Variants in STX10 observed in about 807,000 individuals in gnomAD.
The protein encoded by STX10 is syntaxin 10.
Under a neutral mutation model 34.1 loss-of-function variants are expected in STX10, and 35 were observed. The observed-to-expected ratio is 1.03, with a 90% confidence interval of 0.78 to 1.36. The LOEUF (loss-of-function observed/expected upper bound fraction) is 1.36. Ranked by LOEUF, STX10 falls within the 40% of genes most tolerant of loss-of-function variation. The pLI, the probability that STX10 is intolerant of heterozygous loss-of-function variation, is 0.00. For missense variants in STX10, 361 were observed against 335.5 expected (o/e 1.08, Z -0.59); for synonymous variants, 155 against 132.9 (o/e 1.17, Z -1.15).
At chr19:13,146,837 G>A (rs1331753574) in intron 4 of STX10, among the ~76,000 whole-genome samples, 5 of 151,962 alleles carry the variant, frequency 3.3e-5, no homozygotes, top group East Asian at 1.9e-4. Context: ...CACCGTGCCC[G>A]GCTCCAACAG....
intron 4 of STX10, among the ~76,000 whole-genome samples, chr19:13,146,695 C>A (rs1466509435): frequency 2.0e-5 from 3 of 151,784 alleles, no homozygotes; most frequent in African/African-American, 4.8e-5. Flanking sequence ...TGATCACCAC[C>A]ACGCCTGGCT....
rs770158443 is a variant in STX10, at chr19:13,144,664, C to T, written c.586G>A (p.Asp196Asn). 1.2e-6 allele frequency: 2 copies of T among 1,614,088 alleles called. No homozygotes were observed. The highest frequency in any genetic ancestry group is 1.7e-6 in the Non-Finnish European group (2 of 1,180,010). The part of the protein sequence containing the change: ...EELDEQGIML[D>N]AFAQEMDHTQ... ...TGGTCCATCTCTTGGGCGAAGGCAT[C>T]CAGCATGCTGCCAAGAACAGGATGG... is the stretch of plus-strand genomic sequence containing the variant. The change falls in exon 7 of 8, where the codon GAT becomes AAT. Residue 196 changes from aspartate to asparagine, a missense_variant. Asp to Asn is a conservative substitution (Grantham distance 23, BLOSUM62 1). Transcript: ENST00000587230.
chr19:13,146,625 C>T (rs1020533361), intron 4 of STX10, among the ~76,000 whole-genome samples: 4 of 152,036 alleles, frequency 2.6e-5, no homozygotes, highest in Non-Finnish European at 5.9e-5. Flanking sequence ...ACTGCAACCT[C>T]CACCTCCCGG....
At chr19:13,144,538 G>T (rs1279273380) in intron 7 of STX10, 39 bp downstream of exon 7, 1 of 1,613,808 alleles carries the variant, frequency 6.2e-7, no homozygotes, top group East Asian at 2.2e-5. Flanking sequence ...CCTACAACCT[G>T]CCCCCACCAG....
intron 4 of STX10, among the ~76,000 whole-genome samples, chr19:13,147,672 G>T (rs2019932215): frequency 2.0e-5 from 3 of 151,736 alleles, no homozygotes; most frequent in Non-Finnish European, 2.9e-5. Context: ...GCCGAGGCAG[G>T]TGGATCACGA....
rs1285499870 is a variant in STX10 at position 13,150,270 on chromosome 19, C to G, written c.-97G>C. ...GGAGAACGCGCCGCCACCCCCGCCC[C>G]CGTCACGCCACCATCGAGAGCCGGA... On this transcript the variant is annotated 5_prime_UTR_variant, in exon 1 of 8. Coordinates refer to ENST00000587230, the MANE Select transcript of STX10 (RefSeq NM_003765.3). This position sits in a 1 kb window ranked among gnomAD's most constrained non-coding sequence, Gnocchi z 4.0. The G allele has an allele frequency of 7.6e-6, 5 of 661,312 alleles. No individual in the cohort carries two copies. The highest frequency in any genetic ancestry group is 3.7e-5 in the African/African-American group (2 of 53,810). 41.0% of individuals were successfully genotyped at this position (661,312 alleles called of 1,614,324 possible). A position where few individuals can be genotyped will look rare whatever the true frequency, so the allele number is the denominator to read the frequency against.
Position 13,150,366 on chromosome 19 carries a change from G to A in STX10, c.-193C>T, listed in dbSNP as rs2020037353. 3.5e-6 allele frequency: 2 copies of A among 566,458 alleles called. No individual in the cohort carries two copies. Among genetic ancestry groups the A allele is most frequent in the Admixed American group, 6.7e-5 (2 of 29,874 alleles). The allele number at this position is 566,458 out of a possible 1,614,324, so 35.1% of individuals were successfully genotyped here. A position where few individuals can be genotyped will look rare whatever the true frequency, so the allele number is the denominator to read the frequency against. ...CTTCCGCCCTCTCCTCAGCCATCTT[G>A]GTTGTGGGCAGAGGCAGCTTCCGGT... is the stretch of plus-strand genomic sequence containing the variant. On this transcript the variant is annotated 5_prime_UTR_variant, in exon 1 of 8. Coordinates refer to ENST00000587230, the MANE Select transcript of STX10 (RefSeq NM_003765.3). The surrounding 1 kb of genome is among the most constrained non-coding windows in gnomAD (Gnocchi z 4.0).
chr19:13,144,895 G>T, intron 5 of STX10, 25 bp from the exon 6 acceptor site: 1 of 1,598,828 alleles, frequency 6.3e-7, no homozygotes, highest in African/African-American at 1.3e-5. Context: ...GGTGGGAGAT[G>T]CTGTTGAAAA....
Position 13,149,491 on chromosome 19 carries a change from T to G in STX10, c.300+8A>C. ...CCCCCACTCCCCGCCTGCAGGACCT[T>G]TCCTGACCTGGACTGCCTCTCGCAT... On this transcript the variant is annotated splice_region_variant and intron_variant, in intron 3 of 7. Coordinates refer to ENST00000587230, the MANE Select transcript of STX10 (RefSeq NM_003765.3). 1 of 1,612,450 alleles carries G rather than the reference T, an allele frequency of 6.2e-7. No individual in the cohort carries two copies.
chr19:13,149,787 T>G lies in STX10; in HGVS notation c.146A>C (p.Glu49Ala). The G allele has an allele frequency of 6.2e-7, 1 of 1,614,088 alleles. No homozygotes were observed. Among genetic ancestry groups the G allele is most frequent in the Non-Finnish European group, 8.5e-7 (1 of 1,180,030 alleles). The change falls in exon 2 of 8, where the codon GAG (glutamate) becomes GCG (alanine). Residue 49 changes from glutamate to alanine, a missense_variant. Coordinates refer to ENST00000587230, the MANE Select transcript of STX10 (RefSeq NM_003765.3). ...GREELDWTTNELRNGLRSIEW... is the reference protein window; with the variant it reads ...GREELDWTTNALRNGLRSIEW... ...GATGCTGCGCAGGCCATTCCGCAGC[T>G]CATTGGTCGTCCAGTCCAGCTCCTC...
chr19:13,145,629 C>T (rs771123297), intron 4 of STX10, among the ~76,000 whole-genome samples: 13 of 152,068 alleles, frequency 8.5e-5, no homozygotes, highest in South Asian at 2.1e-4. Context: ...GTAGCTCATG[C>T]TTGTAATCCC....
In STX10 at chr19:13,149,009, GGTGGGT is replaced by G. The variant is rs756766494; in HGVS notation, c.363+14_363+19del. 2 of 1,594,054 alleles carry G rather than the reference GGTGGGT, an allele frequency of 1.3e-6. No homozygotes were observed. Among genetic ancestry groups the G allele is most frequent in the Non-Finnish European group, 1.7e-6 (2 of 1,169,826 alleles). ...TACCCCCAGGGGCTCAGGTGGGCAG[GGTGGGT>G]CAGGAAGGCTTACCTCTCTGTTATT... On this transcript the variant is annotated intron_variant, in intron 4 of 7. Coordinates refer to ENST00000587230, the MANE Select transcript of STX10 (RefSeq NM_003765.3).
At chr19:13,147,476 A>G (rs7508633) in intron 4 of STX10, among the ~76,000 whole-genome samples, 62,409 of 151,080 alleles carry the variant, frequency 0.41, 13,867 homozygotes, top group East Asian at 0.77. Flanking sequence ...AAAAAAAAAA[A>G]GGAAGCTGGC....
intron 4 of STX10, among the ~76,000 whole-genome samples, chr19:13,145,687 C>T (rs776702196): frequency 1.3e-5 from 2 of 151,116 alleles, no homozygotes; most frequent in African/African-American, 4.9e-5. Flanking sequence ...GTCAGGAGCT[C>T]GAGACCAGCC....
At chr19:13,149,442 G>GAAAT in intron 3 of STX10, 57 bp downstream of exon 3, 14 of 1,166,180 alleles carry the variant, frequency 1.2e-5, no homozygotes, top group South Asian at 1.5e-5. Flanking sequence ...AAGAAAGAAA[G>GAAAT]AAAAAAAAAC....
Position 13,144,792 on chromosome 19 carries a change from C to T in STX10, c.550G>A (p.Val184Ile), listed in dbSNP as rs763901735. 9.9e-6 allele frequency: 16 copies of T among 1,613,970 alleles called. No homozygotes were observed. Among genetic ancestry groups the T allele is most frequent in the South Asian group, 7.7e-5 (7 of 91,072 alleles). ...IQVLKHMSGR[V>I]GEELDEQGIM... ...CCCTGCTCGTCCAGCTCTTCTCCAA[C>T]GCGGCCGGACATGTGCTTCAGAACC... Residue 184 changes from valine to isoleucine, a missense_variant, in exon 6 of 8, where the codon GTT becomes ATT. Coordinates refer to ENST00000587230, the MANE Select transcript of STX10 (RefSeq NM_003765.3).
chr19:13,148,961 C>T (rs1206974703), intron 4 of STX10, 68 bp downstream of exon 4: 5 of 1,355,670 alleles, frequency 3.7e-6, no homozygotes, highest in Non-Finnish European at 4.1e-6. Flanking sequence ...CAGGTGAACA[C>T]GCACAGAGGG....
At chr19:13,149,986 G>T in intron 1 of STX10, 89 bp from the exon 2 acceptor site, 1 of 1,478,532 alleles carries the variant, frequency 6.8e-7, no homozygotes, top group East Asian at 2.5e-5. Flanking sequence ...ACGCATGGGG[G>T]ACTCCGGAGA....
intron 4 of STX10, among the ~76,000 whole-genome samples, chr19:13,147,664 C>T (rs1411444481): frequency 4.7e-5 from 7 of 149,154 alleles, no homozygotes; most frequent in East Asian, 2.0e-4. Flanking sequence ...TTTGGGAGGC[C>T]GAGGCAGGTG....
Sources: allele counts gnomAD v4.1 joint callset (sites outside exome capture counted in the v4.1 genomes callset), GRCh38; gene constraint gnomAD v4.1.1; non-coding constraint Gnocchi (gnomAD v3.1); transcripts MANE v1.5; gene names NCBI Gene and HGNC (gene_info 2026-07-23, HGNC 2026-07-21).